Variants in SIRPA observed in about 807,000 individuals in gnomAD.
The protein encoded by SIRPA is tyrosine-protein phosphatase non-receptor type substrate 1.
Under a neutral mutation model 50.3 loss-of-function variants are expected in SIRPA, and 9 were observed. The ratio of observed to expected loss-of-function variants is 0.18; its 90% CI spans 0.11 to 0.31. The LOEUF (loss-of-function observed/expected upper bound fraction) is 0.31. Ranked by LOEUF, SIRPA falls within the 10% of genes least tolerant of loss-of-function variation. SIRPA has a pLI of 1.00. For missense variants in SIRPA, 474 were observed against 661.6 expected (o/e 0.72, Z 3.11); for synonymous variants, 265 against 284.1 (o/e 0.93, Z 0.68).
rs192690949 is a variant in SIRPA at position 1,939,756 on chromosome 20, C to T, written c.*2188C>T. 1.4e-3 allele frequency: 217 copies of T among 152,778 alleles called. No individual in the cohort carries two copies. The highest frequency in any genetic ancestry group is 4.9e-3 in the African/African-American group (203 of 41,578). 9.5% of individuals were successfully genotyped at this position (152,778 alleles called of 1,614,324 possible). A position where few individuals can be genotyped will look rare whatever the true frequency, so the allele number is the denominator to read the frequency against. Reference sequence around the variant, plus strand: ...CAGGAAAAGGAAGAGGTCGAACCAACCCTGCGGAAGGAGCATGGTTTCAGG... The same window carrying T: ...CAGGAAAAGGAAGAGGTCGAACCAATCCTGCGGAAGGAGCATGGTTTCAGG... On this transcript the variant is annotated 3_prime_UTR_variant, in exon 8 of 8. Transcript: ENST00000358771. The surrounding 1 kb of genome is among the most constrained non-coding windows in gnomAD (Gnocchi z 4.7).
At chr20:1,919,346 A>G (rs1985504776) in intron 2 of SIRPA, among the ~76,000 whole-genome samples, 1 of 152,258 alleles carries the variant, frequency 6.6e-6, no homozygotes, top group Non-Finnish European at 1.5e-5. Flanking sequence ...CCTGGGATAG[A>G]CACCCAGAGG....
chr20:1,905,652 G>A (rs1358454132), intron 1 of SIRPA, among the ~76,000 whole-genome samples: 2 of 152,210 alleles, frequency 1.3e-5, no homozygotes, highest in African/African-American at 4.8e-5. Context: ...GAGGAGGAAA[G>A]GTCCTTAGGT....
intron 6 of SIRPA, among the ~76,000 whole-genome samples, chr20:1,931,247 C>T (rs1295371929): frequency 6.6e-6 from 1 of 152,140 alleles, no homozygotes; most frequent in Non-Finnish European, 1.5e-5. Flanking sequence ...TGCTGTTGTT[C>T]CCCAGCCACA....
At chr20:1,921,742 C>A in intron 3 of SIRPA, 30 bp downstream of exon 3, 1 of 1,614,004 alleles carries the variant, frequency 6.2e-7, no homozygotes, top group Non-Finnish European at 8.5e-7. Context: ...CCCAAGCCCA[C>A]ACCTGACCGC....
chr20:1,906,848 A>G (rs1045175791), intron 1 of SIRPA, among the ~76,000 whole-genome samples: 2 of 152,178 alleles, frequency 1.3e-5, no homozygotes, highest in East Asian at 1.9e-4. Flanking sequence ...TTGAGCCAGC[A>G]GGATCTACTA....
At chr20:1,901,001 C>T (rs576534441) in intron 1 of SIRPA, among the ~76,000 whole-genome samples, 2 of 152,236 alleles carry the variant, frequency 1.3e-5, no homozygotes, top group South Asian at 4.2e-4. Flanking sequence ...TAACCACTGT[C>T]GGCCTAATCA....
intron 1 of SIRPA, among the ~76,000 whole-genome samples, chr20:1,906,433 G>A (rs1325790332): frequency 6.6e-6 from 1 of 152,208 alleles, no homozygotes; most frequent in East Asian, 1.9e-4. Context: ...CAGGGACATT[G>A]AGGTGGGTAG....
chr20:1,937,812 G>C lies in SIRPA; in HGVS notation c.*244G>C. The C allele has an allele frequency of 1.8e-6, 1 of 561,738 alleles. No homozygotes were observed. The highest frequency in any genetic ancestry group is 3.1e-5 in the Admixed American group (1 of 32,578). 34.8% of individuals were successfully genotyped at this position (561,738 alleles called of 1,614,324 possible). A position where few individuals can be genotyped will look rare whatever the true frequency, so the allele number is the denominator to read the frequency against. ...GAGGCTGACGTTGCCAAACCAGCCA[G>C]GGAACCAACCTGGGAAGTGGCCAGA... is the stretch of plus-strand genomic sequence containing the variant. On this transcript the variant is annotated 3_prime_UTR_variant, in exon 8 of 8. Transcript: ENST00000358771. This position sits in a 1 kb window ranked among gnomAD's most constrained non-coding sequence, Gnocchi z 8.3.
chr20:1,924,622 C>T lies in SIRPA; in HGVS notation c.1088-142C>T, dbSNP rs1226918524. 3.0e-6 allele frequency: 2 copies of T among 672,318 alleles called. No homozygotes were observed. The highest frequency in any genetic ancestry group is 2.7e-5 in the East Asian group (1 of 36,608). 41.6% of individuals were successfully genotyped at this position (672,318 alleles called of 1,614,324 possible). A position where few individuals can be genotyped will look rare whatever the true frequency, so the allele number is the denominator to read the frequency against. Reference sequence around the variant, plus strand: ...AAGTGTGTACAGACCCATGAGTGTGCCCATGTGGCTCGAGACATCTAAGAA... The same window carrying T: ...AAGTGTGTACAGACCCATGAGTGTGTCCATGTGGCTCGAGACATCTAAGAA... On this transcript the variant is annotated intron_variant, in intron 4 of 7. Transcript: ENST00000358771. This position sits in a 1 kb window ranked among gnomAD's most constrained non-coding sequence, Gnocchi z 4.5.
chr20:1,921,717 A>G lies in SIRPA; in HGVS notation c.754+5A>G. On this transcript the variant is annotated splice_donor_5th_base_variant and intron_variant, in intron 3 of 7. Coordinates refer to ENST00000358771, the MANE Select transcript of SIRPA (RefSeq NM_001040023.2). Reference sequence around the variant, plus strand: ...ACTTGTCTGAGACCATCCGAGGTAGAAGACCCTCACCCAGCCCAAGCCCAC... The same window carrying G: ...ACTTGTCTGAGACCATCCGAGGTAGGAGACCCTCACCCAGCCCAAGCCCAC... 2.5e-6 allele frequency: 4 copies of G among 1,614,072 alleles called. No individual in the cohort carries two copies. The highest frequency in any genetic ancestry group is 2.5e-6 in the Non-Finnish European group (3 of 1,179,974).
In SIRPA at chr20:1,927,250, C is replaced by G. The variant is rs1370159839; in HGVS notation, c.1202-625C>G. On this transcript the variant is annotated intron_variant, in intron 5 of 7. Transcript: ENST00000358771. The surrounding 1 kb of genome is among the most constrained non-coding windows in gnomAD (Gnocchi z 6.5). ...AAATGGGAGTCAAACGGCTGCTGAA[C>G]CCTGGAGGCTTCTCTGTGGGTTACC... Among the ~76,000 whole-genome samples, 3 of 152,188 alleles carry G rather than the reference C, an allele frequency of 2.0e-5. No individual in the cohort carries two copies. The highest frequency in any genetic ancestry group is 4.8e-5 in the African/African-American group (2 of 41,456).
chr20:1,912,228 ACATG>A (rs927154306), intron 1 of SIRPA, among the ~76,000 whole-genome samples: 9 of 152,198 alleles, frequency 5.9e-5, no homozygotes, highest in Non-Finnish European at 1.3e-4. Context: ...CCCTGCTCCA[ACATG>A]CTGCACGCCT....
chr20:1,906,799 G>A (rs1984578168), intron 1 of SIRPA, among the ~76,000 whole-genome samples: 1 of 152,188 alleles, frequency 6.6e-6, no homozygotes, highest in African/African-American at 2.4e-5. Context: ...TTCAGTCAGG[G>A]TGGTAAGAAG....
At chr20:1,917,374 A>G (rs1194744381) in intron 2 of SIRPA, among the ~76,000 whole-genome samples, 1 of 152,160 alleles carries the variant, frequency 6.6e-6, no homozygotes, top group Non-Finnish European at 1.5e-5. Context: ...ATGCTTGTCA[A>G]AGTGTGGAGA....
Position 1,936,151 on chromosome 20 carries a change from A to T in SIRPA, c.1267-1169A>T, listed in dbSNP as rs1479107533. On this transcript the variant is annotated intron_variant, in intron 7 of 7. Coordinates refer to ENST00000358771, the MANE Select transcript of SIRPA (RefSeq NM_001040023.2). The surrounding 1 kb of genome is among the most constrained non-coding windows in gnomAD (Gnocchi z 4.2). ...CAGCCATTACCGTGCACCAACTAGG[A>T]GGTGTGCCGGTTGGTGGTAGCTTTA... Among the ~76,000 whole-genome samples, 1 of 151,966 alleles carries T rather than the reference A, an allele frequency of 6.6e-6. No individual in the cohort carries two copies. The highest frequency in any genetic ancestry group is 2.4e-5 in the African/African-American group (1 of 41,358).
At position 1,936,418 on chromosome 20, in the gene SIRPA, A is replaced by G. The variant is rs1309778522; in HGVS notation, c.1267-902A>G. On this transcript the variant is annotated intron_variant, in intron 7 of 7. Transcript: ENST00000358771. This position sits in a 1 kb window ranked among gnomAD's most constrained non-coding sequence, Gnocchi z 4.2. The stretch of plus-strand genomic sequence containing the variant: ...CCTCACAGCAACCCTGGCAGTAGAC[A>G]CTATTATCATCCCCTCTTTACAGAT... Among the ~76,000 whole-genome samples, 1 of 152,214 alleles carries G rather than the reference A, an allele frequency of 6.6e-6. No individual in the cohort carries two copies. The highest frequency in any genetic ancestry group is 1.5e-5 in the Non-Finnish European group (1 of 68,044).
intron 1 of SIRPA, among the ~76,000 whole-genome samples, chr20:1,910,291 C>G (rs1435271986): frequency 6.6e-6 from 1 of 152,150 alleles, no homozygotes; most frequent in Admixed American, 6.5e-5. Flanking sequence ...GGTGACCACC[C>G]ACTGTGCTGA....
chr20:1,904,439 C>T (rs74560714), intron 1 of SIRPA, among the ~76,000 whole-genome samples: 1,677 of 152,214 alleles, frequency 0.011, 11 homozygotes, highest in Non-Finnish European at 0.018. Flanking sequence ...CAGTCTGGTG[C>T]GGGGTGGGGG....
At chr20:1,902,688 G>C (rs1044455442) in intron 1 of SIRPA, among the ~76,000 whole-genome samples, 13 of 152,084 alleles carry the variant, frequency 8.5e-5, no homozygotes, top group South Asian at 2.1e-4. Context: ...CAGAGGGAGG[G>C]CCGCTCTAAG....
Sources: gnomAD v4.1 joint callset for allele counts (sites outside exome capture counted in the v4.1 genomes callset) on GRCh38, gnomAD v4.1.1 for gene constraint, Gnocchi (gnomAD v3.1) non-coding constraint, MANE v1.5 for transcripts, NCBI Gene and HGNC (gene_info 2026-07-23, HGNC 2026-07-21) for gene names.